DNAH12: variants seen among roughly 807,000 people sequenced by gnomAD.
The protein encoded by DNAH12 is axonemal beta dynein heavy chain 12.
A neutral mutation model predicts 371.5 loss-of-function variants in DNAH12; 285 were observed. The observed-to-expected ratio is 0.77, with a 90% confidence interval of 0.70 to 0.85. The LOEUF is 0.85. Among genes scored for constraint, DNAH12 ranks in the 40% least tolerant of loss-of-function variants. DNAH12 has a pLI of 0.00. For missense variants in DNAH12, 3,611 were observed against 3,689.4 expected (o/e 0.98, Z 0.55); for synonymous variants, 1,200 against 1,213.0 (o/e 0.99, Z 0.22).
chr3:57,529,805 T>A (rs540006328), intron 2 of DNAH12, among the ~76,000 whole-genome samples: 11 of 152,294 alleles, frequency 7.2e-5, no homozygotes, highest in Admixed American at 2.0e-4. Flanking sequence ...GTTTTTGTCA[T>A]TTGTTAAGAT....
intron 59 of DNAH12, among the ~76,000 whole-genome samples, chr3:57,353,866 C>A (rs1292010228): frequency 1.3e-5 from 2 of 151,934 alleles, no homozygotes; most frequent in East Asian, 1.9e-4. Flanking sequence ...ATTAAAAAGT[C>A]AAAAAAATAA....
At chr3:57,446,420 G>C in intron 26 of DNAH12, 117 bp downstream of exon 26, 2 of 1,425,404 alleles carry the variant, frequency 1.4e-6, no homozygotes. Flanking sequence ...TAAAATGAAA[G>C]TCCAAGTAAT....
intron 8 of DNAH12, 94 bp from the exon 9 acceptor site, chr3:57,504,298 A>G: frequency 9.1e-7 from 1 of 1,104,212 alleles, no homozygotes. Flanking sequence ...ATCTGATTAT[A>G]ATTGTCTATA....
At chr3:57,369,361 A>AT (rs2063124052) in intron 55 of DNAH12, among the ~76,000 whole-genome samples, 4 of 78,784 alleles carry the variant, frequency 5.1e-5, no homozygotes, top group African/African-American at 3.8e-5. Context: ...TAAATAAATA[A>AT]ATATATATAA....
intron 65 of DNAH12, 149 bp downstream of exon 65, chr3:57,322,194 T>C: frequency 2.5e-6 from 2 of 797,014 alleles, no homozygotes; most frequent in Non-Finnish European, 3.7e-6. Context: ...GTGAACAAGA[T>C]AAGTACAATT....
chr3:57,338,021 CTT>C (rs1553654364), intron 60 of DNAH12, among the ~76,000 whole-genome samples: 3 of 152,116 alleles, frequency 2.0e-5, no homozygotes, highest in Non-Finnish European at 2.9e-5. Context: ...CTCTCTCTCT[CTT>C]CTCTCTCTTT....
At chr3:57,358,755 T>C (rs2062854877) in intron 58 of DNAH12, among the ~76,000 whole-genome samples, 2 of 152,130 alleles carry the variant, frequency 1.3e-5, no homozygotes, top group Non-Finnish European at 2.9e-5. Flanking sequence ...TTGCAATTAA[T>C]AGCAATAGCA....
intron 4 of DNAH12, among the ~76,000 whole-genome samples, chr3:57,514,704 T>C (rs1185793329): frequency 6.6e-6 from 1 of 151,952 alleles, no homozygotes; most frequent in Non-Finnish European, 1.5e-5. Context: ...AATATCATCA[T>C]GAATGAGGGA....
chr3:57,449,966 G>T (rs911130560), intron 25 of DNAH12, among the ~76,000 whole-genome samples: 3 of 152,136 alleles, frequency 2.0e-5, no homozygotes, highest in Non-Finnish European at 4.4e-5. Context: ...ATATGATCCC[G>T]GGTGGGCACA....
At chr3:57,430,694 AATTTT>A (rs1268116239) in intron 32 of DNAH12, among the ~76,000 whole-genome samples, 1 of 152,226 alleles carries the variant, frequency 6.6e-6, no homozygotes, top group East Asian at 1.9e-4. Flanking sequence ...TACCTAAATT[AATTTT>A]ATTACTAAGT....
intron 29 of DNAH12, among the ~76,000 whole-genome samples, chr3:57,441,152 G>T (rs1461593372): frequency 6.6e-6 from 1 of 152,076 alleles, no homozygotes; most frequent in Non-Finnish European, 1.5e-5. Flanking sequence ...AAAAAGAATA[G>T]ATTATAAGAT....
chr3:57,540,467 G>C (rs888276968), intron 2 of DNAH12, among the ~76,000 whole-genome samples: 5 of 152,234 alleles, frequency 3.3e-5, no homozygotes, highest in Non-Finnish European at 7.3e-5. Context: ...AGGCTTTCTA[G>C]AGGAGGTGAT....
chr3:57,314,589 G>A lies in DNAH12; in HGVS notation c.10567C>T (p.Leu3523Phe). Residue 3523 changes from leucine (L) to phenylalanine (F), a missense_variant, in exon 66 of 74, where the codon CTT becomes TTT. Leu to Phe is a conservative substitution (Grantham distance 22). Transcript: ENST00000495027. ...CCAAATTTCTTTCTCTCTTGCACAAGGGCATGAAAAAAACAAACTCCAAAC... is the reference window on the plus strand; with the variant it reads ...CCAAATTTCTTTCTCTCTTGCACAAAGGCATGAAAAAAACAAACTCCAAAC... The part of the protein sequence containing the change: ...LLFGVCFFHA[L>F]VQERKKFGPL... 1 of 1,549,752 alleles carries A rather than the reference G, an allele frequency of 6.5e-7. No homozygotes were observed. Among genetic ancestry groups the A allele is most frequent in the Non-Finnish European group, 8.7e-7 (1 of 1,146,540 alleles).
rs1411059660 is a variant in DNAH12 at position 57,446,312 on chromosome 3, A to C, written c.3940-42T>G. 2.0e-6 allele frequency: 3 copies of C among 1,532,206 alleles called. No individual in the cohort carries two copies. In the African/African-American group the frequency reaches 4.2e-5, roughly 21 times the overall value. 94.9% of individuals were successfully genotyped at this position (1,532,206 alleles called of 1,614,324 possible). A position where few individuals can be genotyped will look rare whatever the true frequency, so the allele number is the denominator to read the frequency against. Reference sequence around the variant, plus strand: ...AGGAAAGTGATTTTTTTCTCAGGAAAGGATATCATCTCTTAAAACAAATAC... The same window carrying C: ...AGGAAAGTGATTTTTTTCTCAGGAACGGATATCATCTCTTAAAACAAATAC... On this transcript the variant is annotated intron_variant, in intron 26 of 73. Transcript: ENST00000495027.
At chr3:57,402,568 T>C in intron 43 of DNAH12, 1 of 656,404 alleles carries the variant, frequency 1.5e-6, no homozygotes, top group Non-Finnish European at 2.3e-6. Flanking sequence ...ATATAGTCAG[T>C]GGCACAAGCC....
chr3:57,453,434 G>C, intron 23 of DNAH12, 31 bp from the exon 24 acceptor site: 1 of 1,474,286 alleles, frequency 6.8e-7, no homozygotes, highest in Non-Finnish European at 9.1e-7. Flanking sequence ...CAATCTAATT[G>C]ATGTCACATC....
intron 13 of DNAH12, among the ~76,000 whole-genome samples, chr3:57,482,562 C>T (rs1231783879): frequency 2.0e-5 from 3 of 152,042 alleles, no homozygotes; most frequent in African/African-American, 7.2e-5. Context: ...CCCAGCCATC[C>T]CATTACTGGG....
chr3:57,324,267 A>G (rs1005616534), intron 62 of DNAH12, among the ~76,000 whole-genome samples: 1 of 152,242 alleles, frequency 6.6e-6, no homozygotes, highest in Middle Eastern at 3.4e-3. Context: ...GATTTAAGCC[A>G]CTGTACTTTA....
chr3:57,456,685 A>T (rs1272484948), intron 22 of DNAH12, among the ~76,000 whole-genome samples: 3 of 152,192 alleles, frequency 2.0e-5, no homozygotes, highest in Admixed American at 6.5e-5. Context: ...AATGTGCAGG[A>T]TTGTTTGCCT....
Sources: gnomAD v4.1 joint callset for allele counts (sites outside exome capture counted in the v4.1 genomes callset) on GRCh38, gnomAD v4.1.1 for gene constraint, MANE v1.5 for transcripts, NCBI Gene and HGNC (gene_info 2026-07-23, HGNC 2026-07-21) for gene names.